The following PEMT variants were observed in gnomAD, a reference collection of about 807,000 sequenced individuals.
The protein encoded by PEMT is phosphatidylethanolamine N-methyltransferase, also known as phospholipid methyltransferase.
A neutral mutation model predicts 27.4 loss-of-function variants in PEMT; 23 were observed. The observed-to-expected ratio is 0.84, with a 90% confidence interval of 0.60 to 1.19. PEMT has a LOEUF of 1.19. Among genes scored for constraint, PEMT ranks in the 50% most tolerant of loss-of-function variants. The pLI is 0.00. For missense variants in PEMT, 307 were observed against 310.1 expected (o/e 0.99, Z 0.07); for synonymous variants, 137 against 139.1 (o/e 0.98, Z 0.11).
intron 2 of PEMT, among the ~76,000 whole-genome samples, chr17:17,560,894 C>T (rs1272163535): frequency 2.0e-5 from 3 of 151,904 alleles, no homozygotes; most frequent in African/African-American, 7.3e-5. Flanking sequence ...GTCCTTCCCG[C>T]TCCCAAGACT....
intron 2 of PEMT, among the ~76,000 whole-genome samples, chr17:17,552,244 G>A (rs887994998): frequency 1.3e-5 from 2 of 150,882 alleles, no homozygotes; most frequent in Admixed American, 6.6e-5. Context: ...CCCAGGAGGC[G>A]GAGGTGGCAG....
At chr17:17,505,994 C>A in intron 6 of PEMT, 146 bp from the exon 7 acceptor site, 1 of 1,347,900 alleles carries the variant, frequency 7.4e-7, no homozygotes, top group Non-Finnish European at 9.9e-7. Flanking sequence ...GCAACACTGA[C>A]TTGGAGCCTT....
At position 17,523,981 on chromosome 17, in the gene PEMT, T is replaced by C. The variant is rs1186553811; in HGVS notation, c.205-1586A>G. On this transcript the variant is annotated intron_variant, in intron 2 of 6. Coordinates refer to ENST00000255389, the MANE Select transcript of PEMT (RefSeq NM_148172.3). The surrounding 1 kb of genome is among the most constrained non-coding windows in gnomAD (Gnocchi z 4.8). ...CTTTCCGTTGCTATGGATTCACCTA[T>C]TCTGGACGTTTCATATAAACTGAAT... 6.6e-6 allele frequency among the ~76,000 whole-genome samples: 1 copy of C among 152,138 alleles called. No homozygotes were observed. The highest frequency in any genetic ancestry group is 2.4e-5 in the African/African-American group (1 of 41,424).
chr17:17,579,380 G>C (rs564245103), intron 1 of PEMT, among the ~76,000 whole-genome samples: 1 of 152,346 alleles, frequency 6.6e-6, no homozygotes, highest in East Asian at 1.9e-4. Context: ...GGGCTAAGCA[G>C]ATGTTAAATG....
chr17:17,527,666 CTGTT>C (rs937240393), intron 2 of PEMT, among the ~76,000 whole-genome samples: 9 of 152,340 alleles, frequency 5.9e-5, no homozygotes, highest in Middle Eastern at 3.4e-3. Context: ...GGCGGTGCTG[CTGTT>C]TGTTTTGTTT....
At chr17:17,571,842 G>A (rs1159369248) in intron 2 of PEMT, among the ~76,000 whole-genome samples, 6 of 152,110 alleles carry the variant, frequency 3.9e-5, no homozygotes, top group Non-Finnish European at 5.9e-5. Context: ...CCCAGTAGCC[G>A]GTGCTCACCA....
chr17:17,537,093 T>C (rs1250289064), intron 2 of PEMT, among the ~76,000 whole-genome samples: 1 of 152,236 alleles, frequency 6.6e-6, no homozygotes, highest in Non-Finnish European at 1.5e-5. Context: ...GGCTGGACGA[T>C]GACAATACAT....
In PEMT at chr17:17,525,301, G is replaced by T. The variant is rs190534045; in HGVS notation, c.205-2906C>A. 3.2e-4 allele frequency among the ~76,000 whole-genome samples: 49 copies of T among 152,272 alleles called. 1 individual carries two copies. In the East Asian group the frequency reaches 8.3e-3, roughly 26 times the overall value. ...AGCATCAAGCAAGACTAACCCATGTGGGAAAGAAAAAGAGGAAACCACGCC... is the reference window on the plus strand; with the variant it reads ...AGCATCAAGCAAGACTAACCCATGTTGGAAAGAAAAAGAGGAAACCACGCC... On this transcript the variant is annotated intron_variant, in intron 2 of 6. Coordinates refer to ENST00000255389, the MANE Select transcript of PEMT (RefSeq NM_148172.3).
At chr17:17,570,637 C>T (rs917049055) in intron 2 of PEMT, 23 of 985,242 alleles carry the variant, frequency 2.3e-5, no homozygotes, top group Non-Finnish European at 2.8e-5. Context: ...CCAGAAAGGC[C>T]CAAGACCTGG....
At chr17:17,553,452 G>C (rs1332731947) in intron 2 of PEMT, among the ~76,000 whole-genome samples, 2 of 152,198 alleles carry the variant, frequency 1.3e-5, no homozygotes, top group Non-Finnish European at 2.9e-5. Flanking sequence ...ACACACACAG[G>C]CCCTTACCAG....
Position 17,567,380 on chromosome 17 carries a change from A to C in PEMT, c.204+9540T>G, listed in dbSNP as rs116626637. ...AGCCTGATAGCAGAGGCTCCCCACC[A>C]GGCCAGTGCCAGCAGCACACAGAGT... On this transcript the variant is annotated intron_variant, in intron 2 of 6. Coordinates refer to ENST00000255389, the MANE Select transcript of PEMT (RefSeq NM_148172.3). 6.1e-3 allele frequency among the ~76,000 whole-genome samples: 930 copies of C among 152,394 alleles called. 12 individuals are homozygous for C. Among genetic ancestry groups the C allele is most frequent in the African/African-American group, 0.021 (892 of 41,602 alleles).
intron 3 of PEMT, among the ~76,000 whole-genome samples, chr17:17,521,145 C>T (rs1410860050): frequency 1.3e-5 from 2 of 152,326 alleles, no homozygotes; most frequent in East Asian, 3.9e-4. Context: ...TGCCTCGGCC[C>T]CAGTGAGCGC....
chr17:17,578,078 C>T (rs1015386390), intron 1 of PEMT, among the ~76,000 whole-genome samples: 9 of 151,404 alleles, frequency 5.9e-5, no homozygotes, highest in Admixed American at 1.3e-4. Context: ...CTGAAACACA[C>T]GGCTGAGTAG....
At position 17,571,455 on chromosome 17, in the gene PEMT, T is replaced by C. The variant is rs1911186236; in HGVS notation, c.204+5465A>G. Among the ~76,000 whole-genome samples the C allele has an allele frequency of 4.2e-5, 6 of 144,374 alleles. No homozygotes were observed. In the South Asian group the frequency reaches 1.3e-3, roughly 32 times the overall value. 94.7% of individuals were successfully genotyped at this position (144,374 alleles called of 152,430 possible). A position where few individuals can be genotyped will look rare whatever the true frequency, so the allele number is the denominator to read the frequency against. On this transcript the variant is annotated intron_variant, in intron 2 of 6. Transcript: ENST00000255389. ...CTTGGGAAGAAATGTTCCAACAGAG[T>C]GGAGGAGATGCCAGCTGGCCAGGTG... is the stretch of plus-strand genomic sequence containing the variant.
chr17:17,539,414 C>G (rs1290298389), intron 2 of PEMT, among the ~76,000 whole-genome samples: 1 of 152,214 alleles, frequency 6.6e-6, no homozygotes, highest in Non-Finnish European at 1.5e-5. Context: ...TGTTCCATCC[C>G]GTTTCCCTCC....
chr17:17,575,924 A>G (rs947220458), intron 2 of PEMT, among the ~76,000 whole-genome samples: 2 of 152,188 alleles, frequency 1.3e-5, no homozygotes, highest in Admixed American at 6.5e-5. Flanking sequence ...TAAATGAAAA[A>G]CATGTCCTGT....
chr17:17,510,685 T>G (rs1030355411), intron 4 of PEMT, among the ~76,000 whole-genome samples: 3 of 152,212 alleles, frequency 2.0e-5, no homozygotes, highest in East Asian at 3.8e-4. Flanking sequence ...TTCTAGGCCA[T>G]GTCTGCTGGC....
At chr17:17,525,124 C>T (rs1907576779) in intron 2 of PEMT, among the ~76,000 whole-genome samples, 1 of 151,968 alleles carries the variant, frequency 6.6e-6, no homozygotes, top group Non-Finnish European at 1.5e-5. Flanking sequence ...AAAACAAAAA[C>T]AACAAAAACC....
At chr17:17,588,911 C>T (rs527336848) in intron 1 of PEMT, among the ~76,000 whole-genome samples, 2 of 152,356 alleles carry the variant, frequency 1.3e-5, no homozygotes, top group East Asian at 3.9e-4. Flanking sequence ...GGGGCTGCAG[C>T]GGGCACACTC....
Sources: gnomAD v4.1 joint callset for allele counts (sites outside exome capture counted in the v4.1 genomes callset) on GRCh38, gnomAD v4.1.1 for gene constraint, Gnocchi (gnomAD v3.1) non-coding constraint, MANE v1.5 for transcripts, NCBI Gene and HGNC (gene_info 2026-07-23, HGNC 2026-07-21) for gene names.